Variants in ADGRV1 observed in about 807,000 individuals in gnomAD.
ADGRV1 encodes the protein G-protein coupled receptor 98.
In ADGRV1, 359 loss-of-function variants were observed where a neutral mutation model predicts 596.2. The observed-to-expected ratio is 0.60, with a 90% CI of 0.55 to 0.66. The LOEUF (loss-of-function observed/expected upper bound fraction) is 0.66, where lower values mean the gene tolerates loss of function less well. Among genes scored for constraint, ADGRV1 ranks in the 30% least tolerant of loss-of-function variants. The probability of loss-of-function intolerance (pLI) is 0.00; values close to 1 mark genes in which losing one functional copy is unlikely to be tolerated. For missense variants in ADGRV1, 7,274 were observed against 7,575.6 expected, an observed-to-expected ratio of 0.96 and a Z score of 1.48; for synonymous variants, 2,681 against 2,679.2, an observed-to-expected ratio of 1.00 and a Z score of -0.02.
intron 71 of ADGRV1, among the ~76,000 whole-genome samples, chr5:90,803,560 G>A (rs947431289): frequency 1.2e-4 from 18 of 152,140 alleles, no homozygotes; most frequent in African/African-American, 4.3e-4. Flanking sequence ...AGATGCTGAG[G>A]TGGAATCTGT....
chr5:91,051,537 ATTTT>A (rs1192844206), intron 85 of ADGRV1, among the ~76,000 whole-genome samples: 2 of 102,482 alleles, frequency 2.0e-5, no homozygotes, highest in Admixed American at 1.2e-4. Flanking sequence ...TTGACTTAGG[ATTTT>A]TTTTTTTTTT....
At chr5:90,685,230 G>A (rs866897637) in intron 28 of ADGRV1, among the ~76,000 whole-genome samples, 2 of 152,038 alleles carry the variant, frequency 1.3e-5, no homozygotes, top group Non-Finnish European at 1.5e-5. Flanking sequence ...TTTGAATCCC[G>A]AATGTCTAGA....
intron 76 of ADGRV1, 95 bp downstream of exon 76, chr5:90,823,691 A>G: frequency 9.3e-7 from 1 of 1,074,606 alleles, no homozygotes; most frequent in Non-Finnish European, 1.4e-6. Context: ...CACATTGTTG[A>G]TAGGGAGATT....
At chr5:91,094,461 TAAAAAA>T (rs533784886) in intron 86 of ADGRV1, among the ~76,000 whole-genome samples, 2 of 129,172 alleles carry the variant, frequency 1.5e-5, no homozygotes, top group Admixed American at 8.1e-5. Flanking sequence ...TCCTTCTATG[TAAAAAA>T]AAAAAAAAAA....
chr5:90,816,838 T>C (rs1762946404), intron 75 of ADGRV1, among the ~76,000 whole-genome samples: 1 of 151,958 alleles, frequency 6.6e-6, no homozygotes, highest in Admixed American at 6.6e-5. Flanking sequence ...TGGTTCCAAG[T>C]CTTTGCTATT....
chr5:91,037,106 C>G (rs911414933), intron 85 of ADGRV1, among the ~76,000 whole-genome samples: 10 of 152,120 alleles, frequency 6.6e-5, no homozygotes, highest in African/African-American at 2.4e-4. Flanking sequence ...GTTCTCCTTG[C>G]CCCAAAGACC....
At chr5:90,848,956 A>G (rs1378004215) in intron 79 of ADGRV1, 135 bp downstream of exon 79, 2 of 576,834 alleles carry the variant, frequency 3.5e-6, no homozygotes, top group Non-Finnish European at 5.7e-6. Context: ...CCACTTGGAA[A>G]GTTGAAGTTA....
At chr5:91,102,489 G>A in intron 87 of ADGRV1, 149 bp downstream of exon 87, 1 of 592,034 alleles carries the variant, frequency 1.7e-6, no homozygotes, top group Non-Finnish European at 2.6e-6. Flanking sequence ...AAAATGATAG[G>A]AACCTAAATC....
chr5:90,989,011 G>A (rs1217595241), intron 85 of ADGRV1, among the ~76,000 whole-genome samples: 4 of 151,994 alleles, frequency 2.6e-5, no homozygotes, highest in South Asian at 2.1e-4. Context: ...TGGTGTATAT[G>A]TACCACATTT....
rs397517434 is a variant in ADGRV1 at position 90,627,228 on chromosome 5, A to C, written c.690A>C (p.Glu230Asp). The change falls in exon 7 of 90, where the codon GAA becomes GAC. Residue 230 changes from glutamate to aspartate, a missense_variant. Around this residue, in one of 5 missense-constraint regions of ADGRV1, gnomAD observed 1,715 missense variants for 1,708.8 expected, o/e 1.00. Coordinates refer to ENST00000405460, the MANE Select transcript of ADGRV1 (RefSeq NM_032119.4). ...VLDDEVPEND[E>D]IFLIQLKSVE... ...TTTAACAGGTACCAGAAAATGATGA[A>C]ATATTTTTAATTCAACTGAAAAGTG... The C allele has an allele frequency of 2.1e-5, 32 of 1,535,466 alleles. No individual in the cohort carries two copies. The highest frequency in any genetic ancestry group is 2.8e-5 in the Non-Finnish European group (32 of 1,142,652).
At chr5:91,064,839 C>G (rs781478427) in intron 85 of ADGRV1, among the ~76,000 whole-genome samples, 1 of 152,132 alleles carries the variant, frequency 6.6e-6, no homozygotes, top group Non-Finnish European at 1.5e-5. Flanking sequence ...AAGTGTTTCT[C>G]TAAGTCTTTC....
At chr5:90,732,324 A>G (rs1045932105) in intron 50 of ADGRV1, among the ~76,000 whole-genome samples, 4 of 152,108 alleles carry the variant, frequency 2.6e-5, no homozygotes, top group East Asian at 3.9e-4. Flanking sequence ...ACTTTTTTCC[A>G]TCTTTATTAA....
intron 70 of ADGRV1, among the ~76,000 whole-genome samples, chr5:90,801,801 A>G (rs1420653544): frequency 2.0e-5 from 3 of 152,224 alleles, no homozygotes; most frequent in African/African-American, 7.2e-5. Flanking sequence ...ACCAAGACCA[A>G]CGTTTCTATG....
chr5:91,087,212 A>C (rs1789952052), intron 86 of ADGRV1, among the ~76,000 whole-genome samples: 1 of 152,148 alleles, frequency 6.6e-6, no homozygotes, highest in Non-Finnish European at 1.5e-5. Flanking sequence ...AATCTCTCTT[A>C]TAATACTTAT....
At chr5:90,902,782 G>T (rs1771967593) in intron 83 of ADGRV1, among the ~76,000 whole-genome samples, 2 of 152,070 alleles carry the variant, frequency 1.3e-5, no homozygotes, top group Non-Finnish European at 2.9e-5. Flanking sequence ...AGAACATCTG[G>T]ATTTTTCAGA....
Position 91,164,053 on chromosome 5 carries a change from C to T in ADGRV1, c.*153C>T. 1 of 695,546 alleles carries T rather than the reference C, an allele frequency of 1.4e-6. No homozygotes were observed. Among genetic ancestry groups the T allele is most frequent in the Non-Finnish European group, 2.6e-6 (1 of 381,398 alleles). The allele number at this position is 695,546 out of a possible 1,614,324, so 43.1% of individuals were successfully genotyped here. On this transcript the variant is annotated 3_prime_UTR_variant, in exon 90 of 90. Coordinates refer to ENST00000405460, the MANE Select transcript of ADGRV1 (RefSeq NM_032119.4). Reference sequence around the variant, plus strand: ...ATTGTTGTATTTGGAGTATAAATTACTGATTGTATGTGACCTGAAAATTCA... The same window carrying T: ...ATTGTTGTATTTGGAGTATAAATTATTGATTGTATGTGACCTGAAAATTCA...
chr5:90,998,857 C>T (rs1781627105), intron 85 of ADGRV1, among the ~76,000 whole-genome samples: 2 of 152,064 alleles, frequency 1.3e-5, no homozygotes, highest in African/African-American at 4.8e-5. Flanking sequence ...ATATATAGTA[C>T]CTTAAACTTG....
intron 1 of ADGRV1, among the ~76,000 whole-genome samples, chr5:90,598,295 A>G (rs1760966899): frequency 6.6e-6 from 1 of 152,208 alleles, no homozygotes; most frequent in Non-Finnish European, 1.5e-5. Context: ...GCCACAGCAC[A>G]TCAATAGTGC....
chr5:91,103,375 G>A (rs955071676), intron 87 of ADGRV1, among the ~76,000 whole-genome samples: 2 of 151,310 alleles, frequency 1.3e-5, no homozygotes, highest in African/African-American at 2.4e-5. Flanking sequence ...GCCTCTCTGG[G>A]ATCTGATGAT....
Sources: gnomAD v4.1 joint callset for allele counts (sites outside exome capture counted in the v4.1 genomes callset) on GRCh38, gnomAD v4.1.1 for gene constraint, gnomAD v4.1.1 regional missense constraint, MANE v1.5 for transcripts, NCBI Gene and HGNC (gene_info 2026-07-23, HGNC 2026-07-21) for gene names.